The following BLTP2 variants were observed in gnomAD, a reference collection of about 807,000 sequenced individuals.
BLTP2 encodes bridge-like lipid transfer protein family member 2.
chr17:28,621,239 T>G, the BLTP2 span: 1 of 1,536,120 alleles, frequency 6.5e-7, no homozygotes. Flanking sequence ...GCCTCCCAGC[T>G]ATGTCTCAGA....
chr17:28,620,848 CA>C, the BLTP2 span: 2 of 979,624 alleles, frequency 2.0e-6, no homozygotes, highest in African/African-American at 3.3e-5. Context: ...GCAGAACTTA[CA>C]AAAAGTAGAG....
At chr17:28,633,460 A>C in the BLTP2 span, 11 of 1,580,272 alleles carry the variant, frequency 7.0e-6, no homozygotes, top group Non-Finnish European at 9.6e-6. Flanking sequence ...CTCATCTCCC[A>C]AATCAGCACC....
the BLTP2 span, chr17:28,624,181 A>C: frequency 6.3e-7 from 1 of 1,577,982 alleles, no homozygotes; most frequent in Non-Finnish European, 8.6e-7. Flanking sequence ...GAAGGGGAAC[A>C]ATATGATCAT....
At chr17:28,634,979 G>T in the BLTP2 span, 1 of 1,613,576 alleles carries the variant, frequency 6.2e-7, no homozygotes, top group Non-Finnish European at 8.5e-7. Flanking sequence ...TTTAAGAGTA[G>T]ATCAGGTGGG....
the BLTP2 span, chr17:28,635,692 C>T: frequency 7.1e-7 from 1 of 1,403,708 alleles, no homozygotes. Flanking sequence ...ACATGCACAC[C>T]TGGCTCAAGA....
chr17:28,618,701 C>T, the BLTP2 span: 2 of 971,156 alleles, frequency 2.1e-6, no homozygotes, highest in Non-Finnish European at 3.1e-6. Context: ...TAATTAACCC[C>T]CTTTTATTTC....
At chr17:28,626,559 C>G in the BLTP2 span, among the ~76,000 whole-genome samples, 2,332 of 152,226 alleles carry the variant, frequency 0.015, 51 homozygotes, top group African/African-American at 0.052. Flanking sequence ...TAATTTTCAG[C>G]CCCCCACCCA....
chr17:28,635,373 G>A, the BLTP2 span: 3 of 1,614,234 alleles, frequency 1.9e-6, no homozygotes, highest in Non-Finnish European at 2.5e-6. Flanking sequence ...CTGTGAGCTT[G>A]GCTGTGCTCA....
At chr17:28,632,283 C>T in the BLTP2 span, 4 of 1,536,280 alleles carry the variant, frequency 2.6e-6, no homozygotes, top group Admixed American at 7.3e-5. Context: ...GGATGAAACA[C>T]AGAGGTAAAG....
the BLTP2 span, chr17:28,636,891 A>G: frequency 7.8e-7 from 1 of 1,279,400 alleles, no homozygotes; most frequent in Non-Finnish European, 1.1e-6. Flanking sequence ...CAAGAAAAAA[A>G]AAAAAAAAGA....
the BLTP2 span, chr17:28,615,971 G>T: frequency 9.9e-7 from 1 of 1,015,066 alleles, no homozygotes; most frequent in Non-Finnish European, 1.5e-6. Flanking sequence ...GGAGCAGAGG[G>T]AACAGCAGAT....
the BLTP2 span, chr17:28,637,253 C>T: frequency 1.9e-6 from 2 of 1,060,912 alleles, no homozygotes; most frequent in Non-Finnish European, 2.9e-6. Context: ...TCACTTATTC[C>T]CTTAACTATC....
chr17:28,638,465 A>G, the BLTP2 span: 64 of 1,601,590 alleles, frequency 4.0e-5, no homozygotes, highest in African/African-American at 8.0e-5. Context: ...GTGGCCATCA[A>G]TTGGGCCTAG....
At chr17:28,630,791 A>G in the BLTP2 span, among the ~76,000 whole-genome samples, 3 of 151,888 alleles carry the variant, frequency 2.0e-5, no homozygotes, top group Non-Finnish European at 4.4e-5. Flanking sequence ...GCCCTCCCCC[A>G]CTGTATTTTA....
the BLTP2 span, among the ~76,000 whole-genome samples, chr17:28,629,573 G>C: frequency 2.0e-5 from 3 of 152,162 alleles, no homozygotes; most frequent in African/African-American, 7.2e-5. Flanking sequence ...CACTTCCCGG[G>C]TTCAAGCGAT....
At chr17:28,620,518 A>G in the BLTP2 span, 4 of 1,614,202 alleles carry the variant, frequency 2.5e-6, no homozygotes, top group Non-Finnish European at 3.4e-6. Context: ...CCTTCCGCTT[A>G]GGTTCTACAT....
the BLTP2 span, chr17:28,632,954 G>T: frequency 6.5e-7 from 1 of 1,530,684 alleles, no homozygotes; most frequent in East Asian, 2.3e-5. Flanking sequence ...CCACTGTGCC[G>T]AGTCAGATCC....
At chr17:28,624,490 G>C in the BLTP2 span, 12 of 1,077,764 alleles carry the variant, frequency 1.1e-5, no homozygotes, top group Non-Finnish European at 1.5e-5. Flanking sequence ...TATCTGGCTA[G>C]GTAAGAGCTT....
chr17:28,631,930 G>A, the BLTP2 span: 1 of 1,613,846 alleles, frequency 6.2e-7, no homozygotes, highest in Non-Finnish European at 8.5e-7. Flanking sequence ...CTGGCAACAA[G>A]AGAGCATAAC....
Sources: allele counts gnomAD v4.1 joint callset (sites outside exome capture counted in the v4.1 genomes callset), GRCh38; gene constraint gnomAD v4.1.1; transcripts MANE v1.5; gene names NCBI Gene and HGNC (gene_info 2026-07-23, HGNC 2026-07-21).